Variants in APOL5 observed in about 807,000 individuals in gnomAD.
APOL5 encodes apolipoprotein L5.
In APOL5, 29 loss-of-function variants were observed where a neutral mutation model predicts 35.5. That is an observed-to-expected ratio of 0.82 (90% CI 0.61 to 1.11). The LOEUF (loss-of-function observed/expected upper bound fraction) is 1.11, where lower values mean the gene tolerates loss of function less well. APOL5 is among the 50% of genes most tolerant of loss of function. APOL5 has a pLI of 0.00. For missense variants in APOL5, 514 were observed against 530.4 expected (o/e 0.97, Z 0.30); for synonymous variants, 188 against 200.2 (o/e 0.94, Z 0.51).
Position 35,720,642 on chromosome 22 carries a change from G to C in APOL5, c.130G>C (p.Glu44Gln). ...YGGEVWGKSP[E>Q]PEFPSLVNLC... ...AGGTGAGGTCTGGGGGAAGTCCCCAGAACCTGAGTTCCGTGAGGGCAGAGA... is the reference window on the plus strand; with the variant it reads ...AGGTGAGGTCTGGGGGAAGTCCCCACAACCTGAGTTCCGTGAGGGCAGAGA... The change falls in exon 2 of 5, where the codon GAA becomes CAA. Residue 44 changes from glutamate (E) to glutamine (Q), a missense_variant. Glu to Gln is a conservative substitution (Grantham distance 29, BLOSUM62 2). Transcript: ENST00000249044. 6.2e-7 allele frequency: 1 copy of C among 1,613,064 alleles called. No individual in the cohort carries two copies. Among genetic ancestry groups the C allele is most frequent in the Non-Finnish European group, 8.5e-7 (1 of 1,179,208 alleles).
In APOL5 at chr22:35,726,304, T is replaced by C; in HGVS notation, c.236T>C (p.Phe79Ser). 6.2e-7 allele frequency: 1 copy of C among 1,614,182 alleles called. No individual in the cohort carries two copies. Among genetic ancestry groups the C allele is most frequent in the South Asian group, 1.1e-5 (1 of 91,084 alleles). The change falls in exon 3 of 5, where the codon TTT becomes TCT. Residue 79 changes from phenylalanine (F) to serine (S), a missense_variant. Coordinates refer to ENST00000249044, the MANE Select transcript of APOL5 (RefSeq NM_030642.1). ...GCTGGTATGCTGTCCTACTTTCTGT[T>C]TGAAGAGCTGATGCGATGTGACAAA... is the stretch of plus-strand genomic sequence containing the variant. The part of the protein sequence containing the change: ...DEAGMLSYFL[F>S]EELMRCDKDS...
intron 1 of APOL5, among the ~76,000 whole-genome samples, chr22:35,719,724 G>T (rs1926892716): frequency 9.0e-6 from 1 of 110,640 alleles, no homozygotes. Flanking sequence ...CCCCACAGCA[G>T]CCCCATCTAG....
chr22:35,711,599 T>TTTCCTTCC, the APOL5 span, among the ~76,000 whole-genome samples: 12,811 of 77,520 alleles, frequency 0.17, 1,397 homozygotes, highest in East Asian at 0.34. Context: ...TCACCATGTT[T>TTTCCTTCC]TTCCTTCCTT....
At chr22:35,718,593 C>CAAAAA (rs58513283) in intron 1 of APOL5, among the ~76,000 whole-genome samples, 7 of 97,034 alleles carry the variant, frequency 7.2e-5, no homozygotes, top group Admixed American at 2.4e-4. Context: ...GACCCCGTCT[C>CAAAAA]AAAAAAAAAA....
At chr22:35,720,845 A>G (rs1369329947) in intron 2 of APOL5, among the ~76,000 whole-genome samples, 191 bp downstream of exon 2, 1 of 152,178 alleles carries the variant, frequency 6.6e-6, no homozygotes, top group Admixed American at 6.5e-5. Flanking sequence ...TCCCAGGTTC[A>G]AGTGATTCTC....
upstream of APOL5, among the ~76,000 whole-genome samples, chr22:35,715,507 G>A (rs191212485): frequency 1.4e-4 from 22 of 152,232 alleles, no homozygotes; most frequent in South Asian, 2.9e-3. Context: ...TTAGCTGGGC[G>A]TGGTGGTGCA....
intron 4 of APOL5, 83 bp downstream of exon 4, chr22:35,728,987 A>G (rs1927276425): frequency 7.1e-7 from 1 of 1,404,328 alleles, no homozygotes; most frequent in East Asian, 2.7e-5. Flanking sequence ...GGCTTCAGGG[A>G]AAGAGAGGGA....
At chr22:35,719,037 T>C (rs1047853882) in intron 1 of APOL5, among the ~76,000 whole-genome samples, 1 of 144,746 alleles carries the variant, frequency 6.9e-6, no homozygotes, top group Non-Finnish European at 1.5e-5. Context: ...CCAGCCTGGG[T>C]GACAGTGAGA....
At chr22:35,729,279 A>T (rs1927283973) in intron 4 of APOL5, 75 bp from the exon 5 acceptor site, 1 of 175,134 alleles carries the variant, frequency 5.7e-6, no homozygotes, top group South Asian at 1.7e-4. Context: ...AGCTCAAGTG[A>T]ACCCACTGTG....
chr22:35,713,063 G>A (rs916391541), upstream of APOL5, among the ~76,000 whole-genome samples: 1 of 152,104 alleles, frequency 6.6e-6, no homozygotes, highest in African/African-American at 2.4e-5. Context: ...TTGCACTTTG[G>A]GAACACCCAT....
At position 35,728,848 on chromosome 22, in the gene APOL5, C is replaced by T. The variant is rs772292828; in HGVS notation, c.1252C>T (p.Pro418Ser). The change falls in exon 4 of 5, where the codon CCA becomes TCA. Residue 418 changes from proline (P) to serine (S), a missense_variant. Physicochemically the swap from Pro to Ser is moderately conservative, Grantham distance 74. This residue lies in a region of APOL5 where 238 missense variants were observed against 229.1 expected (regional missense o/e 1.04). Coordinates refer to ENST00000249044, the MANE Select transcript of APOL5 (RefSeq NM_030642.1). ...PRMLGHQPAP[P>S]APARKGRQAP... ...GATGCTTGGCCACCAGCCAGCCCCA[C>T]CAGCACCAGCAAGAAAGGGGAGACA... The T allele has an allele frequency of 1.2e-6, 2 of 1,611,160 alleles. No homozygotes were observed. Among genetic ancestry groups the T allele is most frequent in the South Asian group, 2.2e-5 (2 of 90,382 alleles).
chr22:35,716,391 G>A (rs1926745155), upstream of APOL5, among the ~76,000 whole-genome samples: 1 of 152,162 alleles, frequency 6.6e-6, no homozygotes, highest in African/African-American at 2.4e-5. Context: ...TCCTGCCTCA[G>A]CCTCCTGAGT....
chr22:35,719,063 T>A (rs8135403), intron 1 of APOL5, among the ~76,000 whole-genome samples: 64,648 of 116,196 alleles, frequency 0.56, 15,563 homozygotes, highest in African/African-American at 0.67. Context: ...TCAAAAATAA[T>A]AATAATAATA....
Position 35,720,576 on chromosome 22 carries a change from G to A in APOL5, c.64G>A (p.Glu22Lys). The change falls in exon 2 of 5, where the codon GAA (glutamate) becomes AAA (lysine). Residue 22 changes from glutamate to lysine, a missense_variant. Transcript: ENST00000249044. ...TCCTTGTCCATCTCCAGGCTTGGGA[G>A]AAGGTTGTAAAGAAATGTGGCTTCG... The part of the protein sequence containing the change: ...PGSKVLPGLG[E>K]GCKEMWLRKV... The A allele has an allele frequency of 1.2e-6, 2 of 1,614,154 alleles. No homozygotes were observed. The highest frequency in any genetic ancestry group is 1.7e-6 in the Non-Finnish European group (2 of 1,179,996).
intron 1 of APOL5, among the ~76,000 whole-genome samples, chr22:35,719,201 G>A: frequency 6.6e-6 from 1 of 152,062 alleles, no homozygotes; most frequent in Non-Finnish European, 1.5e-5. Context: ...GGAGAACTAG[G>A]GGTGATTTTT....
chr22:35,727,914 A>C (rs1239012237), intron 3 of APOL5, among the ~76,000 whole-genome samples: 1 of 152,262 alleles, frequency 6.6e-6, no homozygotes, highest in Non-Finnish European at 1.5e-5. Flanking sequence ...ATAAAGGAGA[A>C]TTTCGAGATT....
At chr22:35,725,592 A>AG (rs1927121747) in intron 2 of APOL5, among the ~76,000 whole-genome samples, 1 of 151,968 alleles carries the variant, frequency 6.6e-6, no homozygotes, top group African/African-American at 2.4e-5. Flanking sequence ...TTGGTGGGTA[A>AG]GGGTCCAGGG....
intron 3 of APOL5, among the ~76,000 whole-genome samples, chr22:35,728,174 G>A (rs1003493298): frequency 2.6e-5 from 4 of 152,248 alleles, no homozygotes; most frequent in South Asian, 2.1e-4. Context: ...CCAGGGACTG[G>A]GCTTTATTTG....
intron 2 of APOL5, among the ~76,000 whole-genome samples, chr22:35,725,709 C>T (rs948164673): frequency 6.6e-6 from 1 of 152,004 alleles, no homozygotes; most frequent in Non-Finnish European, 1.5e-5. Context: ...CCAGATGAGC[C>T]AGTTAATCAG....
Sources: gnomAD v4.1 joint callset for allele counts (sites outside exome capture counted in the v4.1 genomes callset) on GRCh38, gnomAD v4.1.1 for gene constraint, gnomAD v4.1.1 regional missense constraint, MANE v1.5 for transcripts, NCBI Gene and HGNC (gene_info 2026-07-23, HGNC 2026-07-21) for gene names.